The following ATRNL1 variants were observed in gnomAD, a reference collection of about 807,000 sequenced individuals.
ATRNL1 encodes the protein attractin-like protein 1.
Under a neutral mutation model 182.7 loss-of-function variants are expected in ATRNL1, and 95 were observed. That is an observed-to-expected ratio of 0.52 (90% CI 0.44 to 0.62). The LOEUF is 0.62. ATRNL1 is among the 20% of genes least tolerant of loss of function. ATRNL1 has a pLI of 0.00. For synonymous variants in ATRNL1, 576 were observed against 568.3 expected (o/e 1.01, Z -0.19); for missense variants, 1,471 against 1,679.5 (o/e 0.88, Z 2.17).
At chr10:115,207,601 T>A (rs528361758) in intron 8 of ATRNL1, among the ~76,000 whole-genome samples, 89 of 152,192 alleles carry the variant, frequency 5.8e-4, no homozygotes, top group Non-Finnish European at 1.1e-3. Context: ...AAAAATTTGC[T>A]GAGTGTAGAA....
chr10:115,326,300 A>G (rs1465078821), intron 18 of ATRNL1, among the ~76,000 whole-genome samples: 1 of 152,192 alleles, frequency 6.6e-6, no homozygotes, highest in Non-Finnish European at 1.5e-5. Flanking sequence ...ACAGACAAAC[A>G]GAGAGCCAAA....
chr10:115,664,987 A>G (rs1179573886), intron 26 of ATRNL1, among the ~76,000 whole-genome samples: 1 of 152,160 alleles, frequency 6.6e-6, no homozygotes, highest in Non-Finnish European at 1.5e-5. Flanking sequence ...CCAAAGATAA[A>G]ATAGTTCAAC....
At chr10:115,593,689 T>C (rs138705403) in intron 26 of ATRNL1, among the ~76,000 whole-genome samples, 59 of 152,342 alleles carry the variant, frequency 3.9e-4, no homozygotes, top group African/African-American at 1.1e-3. Context: ...ATAAACATTC[T>C]CAATACATCT....
In ATRNL1 at chr10:115,408,043, C is replaced by T. The variant is rs1219395360; in HGVS notation, c.3269+13291C>T. 4.4e-5 allele frequency among the ~76,000 whole-genome samples: 6 copies of T among 136,846 alleles called. No individual in the cohort carries two copies. In the South Asian group the frequency reaches 6.8e-4, roughly 15 times the overall value. 89.8% of individuals were successfully genotyped at this position (136,846 alleles called of 152,430 possible). On this transcript the variant is annotated intron_variant, in intron 20 of 28. Transcript: ENST00000355044. The stretch of plus-strand genomic sequence containing the variant: ...ACGGAGTCTCGCTCTGTCGCCCAGG[C>T]CGGACTGCGGACTGCAGTGGCGCAA...
At chr10:115,171,851 G>A (rs1269406145) in intron 8 of ATRNL1, among the ~76,000 whole-genome samples, 2 of 151,832 alleles carry the variant, frequency 1.3e-5, no homozygotes, top group Non-Finnish European at 2.9e-5. Context: ...TGTTTTTCTG[G>A]TACTTCATTT....
At chr10:115,597,112 T>A (rs1037414302) in intron 26 of ATRNL1, among the ~76,000 whole-genome samples, 7 of 152,180 alleles carry the variant, frequency 4.6e-5, no homozygotes, top group Admixed American at 6.5e-5. Context: ...ATTTTGATTA[T>A]ATTTACTCCA....
At chr10:115,150,555 G>GT (rs1172931558) in intron 5 of ATRNL1, among the ~76,000 whole-genome samples, 1 of 151,820 alleles carries the variant, frequency 6.6e-6, no homozygotes, top group Non-Finnish European at 1.5e-5. Context: ...GTTTCAAAAA[G>GT]TTTTTTTATT....
intron 24 of ATRNL1, among the ~76,000 whole-genome samples, chr10:115,484,420 T>C (rs782800642): frequency 6.6e-6 from 1 of 151,662 alleles, no homozygotes; most frequent in Non-Finnish European, 1.5e-5. Context: ...TCAAATGCAG[T>C]GGCAGAATAT....
At chr10:115,849,709 T>C (rs539612245) in intron 28 of ATRNL1, among the ~76,000 whole-genome samples, 1 of 152,068 alleles carries the variant, frequency 6.6e-6, no homozygotes, top group Admixed American at 6.6e-5. Context: ...ACATCATAAA[T>C]GAGGGGAGTG....
intron 8 of ATRNL1, among the ~76,000 whole-genome samples, chr10:115,177,137 A>G (rs554978559): frequency 1.3e-5 from 2 of 152,278 alleles, no homozygotes; most frequent in Non-Finnish European, 2.9e-5. Flanking sequence ...ATTAAGTGGG[A>G]AAGTAATCAA....
At chr10:115,231,654 A>G (rs1199949222) in intron 9 of ATRNL1, among the ~76,000 whole-genome samples, 2 of 152,284 alleles carry the variant, frequency 1.3e-5, no homozygotes, top group East Asian at 3.9e-4. Flanking sequence ...ACAAGTAGCA[A>G]TGGGATCTAG....
At chr10:115,293,748 A>G (rs1317338816) in intron 15 of ATRNL1, among the ~76,000 whole-genome samples, 2 of 152,156 alleles carry the variant, frequency 1.3e-5, no homozygotes, top group Non-Finnish European at 2.9e-5. Flanking sequence ...TGTGGTTGAC[A>G]GTTTTTTGTT....
At position 115,215,871 on chromosome 10, in the gene ATRNL1, C is replaced by A. The variant is rs782690664; in HGVS notation, c.1523C>A (p.Thr508Asn). ...GATCTTTATAAATATGAAGTTAACACTAAGACTTGGTGAGTACACAAAATA... is the reference window on the plus strand; with the variant it reads ...GATCTTTATAAATATGAAGTTAACAATAAGACTTGGTGAGTACACAAAATA... ...VDDLYKYEVN[T>N]KTWTILKESG... The change falls in exon 9 of 29, where the codon ACT becomes AAT. Residue 508 changes from threonine to asparagine, a missense_variant. By Grantham distance (65) the Thr-to-Asn change is moderately conservative. Coordinates refer to ENST00000355044, the MANE Select transcript of ATRNL1 (RefSeq NM_207303.4). 1 of 1,560,214 alleles carries A rather than the reference C, an allele frequency of 6.4e-7. No homozygotes were observed. The highest frequency in any genetic ancestry group is 1.4e-5 in the African/African-American group (1 of 72,124).
intron 26 of ATRNL1, among the ~76,000 whole-genome samples, chr10:115,612,024 G>A (rs373954529): frequency 9.5e-4 from 144 of 152,270 alleles, no homozygotes; most frequent in African/African-American, 3.3e-3. Context: ...GCCGAGGCAA[G>A]TGGATCACCT....
chr10:115,265,070 A>AT (rs5788101), intron 10 of ATRNL1, 123 bp from the exon 11 acceptor site: 2,215 of 475,752 alleles, frequency 4.7e-3, no homozygotes, highest in South Asian at 6.4e-3. Context: ...ATTAATGAGA[A>AT]TTTTTTTTTT....
chr10:115,637,986 A>G (rs1241531985), intron 26 of ATRNL1, among the ~76,000 whole-genome samples: 1 of 152,124 alleles, frequency 6.6e-6, no homozygotes, highest in Non-Finnish European at 1.5e-5. Context: ...CTTATACTAT[A>G]CAGTTTTTAT....
intron 8 of ATRNL1, among the ~76,000 whole-genome samples, chr10:115,179,983 T>C (rs1847686044): frequency 2.0e-5 from 3 of 152,072 alleles, no homozygotes. Flanking sequence ...TTGTTGGATA[T>C]TCTTTTAAAT....
At chr10:115,509,428 A>G (rs782156831) in intron 24 of ATRNL1, among the ~76,000 whole-genome samples, 1 of 152,012 alleles carries the variant, frequency 6.6e-6, no homozygotes, top group East Asian at 1.9e-4. Flanking sequence ...TGGATCCCTC[A>G]TGAATGGTTT....
intron 14 of ATRNL1, among the ~76,000 whole-genome samples, chr10:115,282,793 G>T (rs1852430092): frequency 6.9e-6 from 1 of 145,216 alleles, no homozygotes; most frequent in Admixed American, 6.9e-5. Context: ...TTTATCCCAG[G>T]TTTTTTTTTT....
Sources: allele counts gnomAD v4.1 joint callset (sites outside exome capture counted in the v4.1 genomes callset), GRCh38; gene constraint gnomAD v4.1.1; transcripts MANE v1.5; gene names NCBI Gene and HGNC (gene_info 2026-07-23, HGNC 2026-07-21).